The following GLI2 variants were observed in gnomAD, a reference collection of about 807,000 sequenced individuals.
GLI2 encodes GLI family zinc finger 2.
A neutral mutation model predicts 78.9 loss-of-function variants in GLI2; 22 were observed. The observed-to-expected ratio is 0.28, with a 90% CI of 0.20 to 0.40. GLI2 has a LOEUF of 0.40. Ranked by LOEUF, GLI2 falls within the 10% of genes least tolerant of loss-of-function variation. GLI2 has a pLI of 1.00. For missense variants in GLI2, 2,097 were observed against 2,213.2 expected, an observed-to-expected ratio of 0.95 and a Z score of 1.05; for synonymous variants, 974 against 963.7, an observed-to-expected ratio of 1.01 and a Z score of -0.20.
chr2:120,798,439 A>T (rs1316903639), intron 2 of GLI2, among the ~76,000 whole-genome samples: 1 of 152,210 alleles, frequency 6.6e-6, no homozygotes, highest in Non-Finnish European at 1.5e-5. Flanking sequence ...GCCCAGGAAC[A>T]TGGAAAGACC....
At chr2:120,797,221 G>A in intron 1 of GLI2, 70 bp from the exon 2 acceptor site, 1 of 1,185,596 alleles carries the variant, frequency 8.4e-7, no homozygotes, top group Non-Finnish European at 1.3e-6. Context: ...GCGGCGGTGT[G>A]AATCTGGGTC....
rs70954513 is a variant in GLI2 at position 120,896,696 on chromosome 2, TACACAC to T, written c.149-30629_149-30624del. On this transcript the variant is annotated intron_variant, in intron 2 of 13. Transcript: ENST00000361492. Reference sequence around the variant, plus strand: ...CCCCCCACACACTCACACACACCCATACACACACACACACACACACACACACACACA... The same window carrying T: ...CCCCCCACACACTCACACACACCCATACACACACACACACACACACACACA... Among the ~76,000 whole-genome samples, 511 of 128,900 alleles carry T rather than the reference TACACAC, an allele frequency of 4.0e-3. 4 individuals are homozygous for T. The highest frequency in any genetic ancestry group is 0.01 in the African/African-American group (362 of 35,886). 84.6% of individuals were successfully genotyped at this position (128,900 alleles called of 152,430 possible). A position where few individuals can be genotyped will look rare whatever the true frequency, so the allele number is the denominator to read the frequency against.
chr2:120,973,154 C>T (rs1287163834), intron 8 of GLI2, among the ~76,000 whole-genome samples: 4 of 152,340 alleles, frequency 2.6e-5, no homozygotes, highest in Middle Eastern at 6.8e-3. Context: ...CTTCTGTTAT[C>T]GTCAAGCAAG....
intron 3 of GLI2, among the ~76,000 whole-genome samples, chr2:120,940,684 G>C (rs1189204907): frequency 6.6e-6 from 1 of 152,220 alleles, no homozygotes; most frequent in Admixed American, 6.5e-5. Context: ...GGGATTGAGG[G>C]CCTGTGATTT....
At chr2:120,886,828 C>T (rs1328793206) in intron 2 of GLI2, among the ~76,000 whole-genome samples, 1 of 152,232 alleles carries the variant, frequency 6.6e-6, no homozygotes, top group African/African-American at 2.4e-5. Context: ...TGGCGGTGCC[C>T]TTGCTGAGGC....
chr2:120,943,465 A>T (rs1052276985), intron 3 of GLI2, among the ~76,000 whole-genome samples: 1 of 152,216 alleles, frequency 6.6e-6, no homozygotes. Flanking sequence ...AGTCACCCTG[A>T]GAAGCAGGCA....
At chr2:120,823,186 G>T (rs1215980076) in intron 2 of GLI2, among the ~76,000 whole-genome samples, 1 of 152,204 alleles carries the variant, frequency 6.6e-6, no homozygotes, top group Non-Finnish European at 1.5e-5. Context: ...AATGAGTTCT[G>T]CAGGGACGCT....
chr2:120,866,439 G>A (rs970696882), intron 2 of GLI2: 1 of 152,274 alleles, frequency 6.6e-6, no homozygotes, highest in African/African-American at 2.4e-5. Flanking sequence ...ATTGCTTAAG[G>A]TAAGATCTCC....
At chr2:120,766,248 G>T (rs1380681384) in intron 1 of GLI2, among the ~76,000 whole-genome samples, 1 of 152,202 alleles carries the variant, frequency 6.6e-6, no homozygotes, top group Non-Finnish European at 1.5e-5. Flanking sequence ...GTCTCTCCAG[G>T]AAATGCAGCA....
intron 2 of GLI2, among the ~76,000 whole-genome samples, chr2:120,884,239 G>A (rs1009923024): frequency 1.1e-4 from 17 of 152,320 alleles, no homozygotes; most frequent in Non-Finnish European, 1.3e-4. Context: ...GAGTGAGGTC[G>A]TCCGCACGGA....
intron 1 of GLI2, among the ~76,000 whole-genome samples, chr2:120,744,031 G>C (rs1682627163): frequency 1.3e-5 from 2 of 152,208 alleles, no homozygotes; most frequent in South Asian, 4.1e-4. Flanking sequence ...GTGTAAATGG[G>C]AGTGGCCTTG....
chr2:120,970,822 CAAG>C (rs1310916161), intron 7 of GLI2, among the ~76,000 whole-genome samples: 1 of 152,214 alleles, frequency 6.6e-6, no homozygotes, highest in Non-Finnish European at 1.5e-5. Flanking sequence ...GTCTCCTGTC[CAAG>C]AAGCATAATA....
At chr2:120,940,230 G>C (rs978176211) in intron 3 of GLI2, among the ~76,000 whole-genome samples, 2 of 152,220 alleles carry the variant, frequency 1.3e-5, no homozygotes, top group African/African-American at 4.8e-5. Flanking sequence ...TCTCTTCACT[G>C]CCTTGATGGC....
intron 2 of GLI2, among the ~76,000 whole-genome samples, chr2:120,812,703 G>A (rs1439124175): frequency 6.6e-6 from 1 of 152,164 alleles, no homozygotes; most frequent in East Asian, 1.9e-4. Context: ...GGCTGCCGGG[G>A]AGCCCCTTTC....
intron 1 of GLI2, among the ~76,000 whole-genome samples, chr2:120,768,286 A>G (rs1394013275): frequency 6.6e-6 from 1 of 152,170 alleles, no homozygotes; most frequent in East Asian, 1.9e-4. Flanking sequence ...TCCCCGTCTC[A>G]GAGGAAGCAC....
intron 2 of GLI2, among the ~76,000 whole-genome samples, chr2:120,887,864 G>A (rs888727692): frequency 6.6e-6 from 1 of 152,224 alleles, no homozygotes; most frequent in Non-Finnish European, 1.5e-5. Flanking sequence ...TCCTAACGCA[G>A]TGCTAGATCA....
chr2:120,958,558 C>T (rs1434810892), intron 5 of GLI2, among the ~76,000 whole-genome samples: 4 of 152,268 alleles, frequency 2.6e-5, no homozygotes, highest in South Asian at 2.1e-4. Context: ...TTATCCTCTC[C>T]GCCATCCTGC....
chr2:120,894,643 C>T (rs1677853559), intron 2 of GLI2, among the ~76,000 whole-genome samples: 1 of 150,322 alleles, frequency 6.7e-6, no homozygotes, highest in Admixed American at 6.6e-5. Flanking sequence ...AACCGCCCCC[C>T]CATAAATCCC....
chr2:120,918,704 G>T (rs1021177515), intron 2 of GLI2, among the ~76,000 whole-genome samples: 4 of 152,222 alleles, frequency 2.6e-5, no homozygotes, highest in African/African-American at 4.8e-5. Flanking sequence ...GCCTCCCAAA[G>T]AGTTGGGATT....
Sources: gnomAD v4.1 joint callset for allele counts (sites outside exome capture counted in the v4.1 genomes callset) on GRCh38, gnomAD v4.1.1 for gene constraint, MANE v1.5 for transcripts, NCBI Gene and HGNC (gene_info 2026-07-23, HGNC 2026-07-21) for gene names.